Variants in ASIC2 observed in about 807,000 individuals in gnomAD.
ASIC2 encodes the protein acid sensing ion channel subunit 2.
In ASIC2, 25 loss-of-function variants were observed where a neutral mutation model predicts 57.3. The ratio of observed to expected loss-of-function variants is 0.44; its 90% CI spans 0.32 to 0.61. The LOEUF is 0.61. Ranked by LOEUF, ASIC2 falls within the 20% of genes least tolerant of loss-of-function variation. ASIC2 has a pLI of 0.06. For synonymous variants in ASIC2, 319 were observed against 307.5 expected (o/e 1.04, Z -0.39); for missense variants, 641 against 738.1 (o/e 0.87, Z 1.52).
Position 34,102,059 on chromosome 17 carries a change from C to T in ASIC2, c.555+53919G>A, listed in dbSNP as rs561515511. On this transcript the variant is annotated intron_variant, in intron 1 of 9. Transcript: ENST00000359872. ...GTGTGGTGGTTCATGCCTGTAATCC[C>T]AACAATATGGGAGGCTGAGGCAGGT... 3.0e-4 allele frequency among the ~76,000 whole-genome samples: 46 copies of T among 152,186 alleles called. 3 individuals carry two copies. The highest frequency in any genetic ancestry group is 1.1e-3 in the African/African-American group (45 of 41,526).
chr17:33,109,227 C>T (rs1312613238), intron 2 of ASIC2, among the ~76,000 whole-genome samples: 1 of 152,054 alleles, frequency 6.6e-6, no homozygotes, highest in Non-Finnish European at 1.5e-5. Context: ...CCACCTGTTC[C>T]CCCAAAATCT....
At chr17:33,787,175 A>G (rs778445188) in intron 1 of ASIC2, among the ~76,000 whole-genome samples, 2 of 152,220 alleles carry the variant, frequency 1.3e-5, no homozygotes, top group African/African-American at 2.4e-5. Flanking sequence ...AACACTTGCT[A>G]TCTCCCATTG....
chr17:34,008,828 G>T (rs8077501), intron 1 of ASIC2, among the ~76,000 whole-genome samples: 10,222 of 152,226 alleles, frequency 0.067, 557 homozygotes, highest in East Asian at 0.22. Context: ...AGCATGTACA[G>T]AGTTTGCAGA....
At chr17:33,745,222 A>T (rs992849935) in intron 1 of ASIC2, among the ~76,000 whole-genome samples, 16 of 152,162 alleles carry the variant, frequency 1.1e-4, no homozygotes, top group African/African-American at 3.6e-4. Flanking sequence ...CCCAGAGGAG[A>T]GCTGATACTA....
intron 3 of ASIC2, among the ~76,000 whole-genome samples, chr17:33,039,794 ACTC>A (rs2091923087): frequency 6.6e-6 from 1 of 151,366 alleles, no homozygotes; most frequent in Non-Finnish European, 1.5e-5. Flanking sequence ...AGAGGATTCT[ACTC>A]CTCCTTCACC....
intron 1 of ASIC2, chr17:34,005,401 A>T (rs1371556686): frequency 6.6e-6 from 1 of 152,118 alleles, no homozygotes; most frequent in Admixed American, 6.5e-5. Context: ...AATTTAAAAA[A>T]GTTTTTAAAA....
At chr17:33,608,526 T>C (rs1404293505) in intron 1 of ASIC2, among the ~76,000 whole-genome samples, 1 of 152,020 alleles carries the variant, frequency 6.6e-6, no homozygotes, top group Non-Finnish European at 1.5e-5. Context: ...TCCATATCCT[T>C]ATATGCATGG....
chr17:33,605,229 G>A (rs1434595), intron 1 of ASIC2, among the ~76,000 whole-genome samples: 20,932 of 152,270 alleles, frequency 0.14, 1,628 homozygotes, highest in Non-Finnish European at 0.17. Flanking sequence ...AGCCCTGGCT[G>A]CAGGTTGCAG....
chr17:33,668,288 T>C (rs200895719), intron 1 of ASIC2, among the ~76,000 whole-genome samples: 15,034 of 142,598 alleles, frequency 0.11, 1,138 homozygotes, highest in African/African-American at 0.22. Context: ...TTTTTTTTTT[T>C]TTTTTTTTTT....
At chr17:34,144,500 G>A (rs1912363253) in intron 1 of ASIC2, among the ~76,000 whole-genome samples, 1 of 152,092 alleles carries the variant, frequency 6.6e-6, no homozygotes, top group Non-Finnish European at 1.5e-5. Flanking sequence ...TGTATCACCA[G>A]CTCATCTTAG....
intron 1 of ASIC2, among the ~76,000 whole-genome samples, chr17:33,537,617 T>C (rs1011619546): frequency 1.3e-5 from 2 of 152,148 alleles, no homozygotes; most frequent in Admixed American, 6.5e-5. Flanking sequence ...TATGACATGA[T>C]TGAATGTAGC....
intron 1 of ASIC2, among the ~76,000 whole-genome samples, chr17:33,690,180 A>G (rs993028149): frequency 6.6e-6 from 1 of 152,244 alleles, no homozygotes; most frequent in Non-Finnish European, 1.5e-5. Context: ...CTTCATATCA[A>G]TATAGCTTCA....
intron 1 of ASIC2, among the ~76,000 whole-genome samples, chr17:33,859,781 C>A (rs1488574015): frequency 1.3e-5 from 2 of 152,096 alleles, no homozygotes; most frequent in Non-Finnish European, 2.9e-5. Context: ...AACTCCTGGG[C>A]TCAAGCTATC....
chr17:33,505,519 C>A (rs74411414), intron 1 of ASIC2, among the ~76,000 whole-genome samples: 1 of 152,200 alleles, frequency 6.6e-6, no homozygotes, highest in Admixed American at 6.5e-5. Context: ...CGCTGTATAA[C>A]GCACAGGATC....
intron 1 of ASIC2, among the ~76,000 whole-genome samples, chr17:33,765,441 C>G (rs1910907288): frequency 1.3e-5 from 2 of 152,164 alleles, no homozygotes; most frequent in Non-Finnish European, 2.9e-5. Flanking sequence ...TTTCTTTTCC[C>G]CTCTCAGGAA....
At chr17:33,325,262 A>G (rs1427845038) in intron 1 of ASIC2, among the ~76,000 whole-genome samples, 1 of 152,236 alleles carries the variant, frequency 6.6e-6, no homozygotes, top group East Asian at 1.9e-4. Context: ...AGGGAGAAGG[A>G]GAGGAAGGAT....
intron 1 of ASIC2, among the ~76,000 whole-genome samples, chr17:33,542,315 C>T (rs1455617888): frequency 4.1e-5 from 6 of 145,292 alleles, no homozygotes; most frequent in African/African-American, 7.7e-5. Context: ...CCTGAGGAAT[C>T]GCCACACTGA....
At chr17:33,176,464 C>A (rs984880796) in intron 1 of ASIC2, among the ~76,000 whole-genome samples, 1 of 152,120 alleles carries the variant, frequency 6.6e-6, no homozygotes, top group Non-Finnish European at 1.5e-5. Flanking sequence ...CCCATCTCAG[C>A]CTCTTGAGTA....
At chr17:33,755,659 G>A (rs1296197723) in intron 1 of ASIC2, among the ~76,000 whole-genome samples, 2 of 152,186 alleles carry the variant, frequency 1.3e-5, no homozygotes, top group South Asian at 2.1e-4. Context: ...TACTGAAAGG[G>A]AAATTAGTTC....
Sources: gnomAD v4.1 joint callset for allele counts (sites outside exome capture counted in the v4.1 genomes callset) on GRCh38, gnomAD v4.1.1 for gene constraint, MANE v1.5 for transcripts, NCBI Gene and HGNC (gene_info 2026-07-23, HGNC 2026-07-21) for gene names.